The following NTM variants were observed in gnomAD, a reference collection of about 807,000 sequenced individuals.
NTM encodes the protein neurotrimin.
In NTM, 13 loss-of-function variants were observed where a neutral mutation model predicts 42.1. The observed-to-expected ratio is 0.31, with a 90% CI of 0.20 to 0.49. The LOEUF is 0.49. Among genes scored for constraint, NTM ranks in the 20% least tolerant of loss-of-function variants. The pLI, the probability that NTM is intolerant of heterozygous loss-of-function variation, is 0.99. For synonymous variants in NTM, 187 were observed against 179.2 expected, an observed-to-expected ratio of 1.04 and a Z score of -0.35; for missense variants, 373 against 452.8, an observed-to-expected ratio of 0.82 and a Z score of 1.60.
chr11:131,509,045 T>A (rs562136887), intron 1 of NTM, among the ~76,000 whole-genome samples: 103 of 151,790 alleles, frequency 6.8e-4, no homozygotes, highest in African/African-American at 2.3e-3. Context: ...TAATAAAAAA[T>A]AATAATAATA....
chr11:131,419,747 A>G (rs1206594075), intron 1 of NTM, among the ~76,000 whole-genome samples: 2 of 152,174 alleles, frequency 1.3e-5, no homozygotes, highest in South Asian at 2.1e-4. Flanking sequence ...GGATGGAGGT[A>G]TAAAGGATTC....
At chr11:132,104,649 C>A (rs994244836) in intron 2 of NTM, among the ~76,000 whole-genome samples, 5 of 149,224 alleles carry the variant, frequency 3.4e-5, no homozygotes, top group Admixed American at 1.3e-4. Flanking sequence ...GTAGTGCATG[C>A]TTTTAGTCCC....
intron 1 of NTM, among the ~76,000 whole-genome samples, chr11:131,480,779 C>T (rs891717970): frequency 2.0e-5 from 3 of 150,604 alleles, no homozygotes; most frequent in African/African-American, 4.9e-5. Flanking sequence ...TCTCCATTAA[C>T]TTCAGTCTGG....
At chr11:132,155,456 T>C (rs1293201950) in intron 3 of NTM, among the ~76,000 whole-genome samples, 2 of 152,174 alleles carry the variant, frequency 1.3e-5, no homozygotes, top group African/African-American at 2.4e-5. Context: ...AATGCACACA[T>C]GTCCTGCCGC....
intron 1 of NTM, among the ~76,000 whole-genome samples, chr11:131,765,775 A>G (rs942252636): frequency 6.6e-6 from 1 of 152,178 alleles, no homozygotes; most frequent in African/African-American, 2.4e-5. Context: ...TGCTCATGTC[A>G]ATCTAAAAAG....
intron 4 of NTM, among the ~76,000 whole-genome samples, chr11:132,235,814 ATATGCAGTC>A (rs1224857408): frequency 6.6e-6 from 1 of 152,230 alleles, no homozygotes; most frequent in East Asian, 1.9e-4. Flanking sequence ...CACCTCTGGC[ATATGCAGTC>A]TATTTGAACA....
intron 2 of NTM, among the ~76,000 whole-genome samples, chr11:132,084,340 C>G (rs1002706227): frequency 6.6e-5 from 10 of 152,126 alleles, no homozygotes; most frequent in Non-Finnish European, 1.3e-4. Context: ...AGCATATACT[C>G]AGACATTAGG....
In NTM at chr11:132,260,785, A is replaced by G. The variant is rs373357417; in HGVS notation, c.527-46904A>G. 4.6e-5 allele frequency among the ~76,000 whole-genome samples: 7 copies of G among 152,338 alleles called. 1 individual carries two copies. Among genetic ancestry groups the G allele is most frequent in the Admixed American group, 3.9e-4 (6 of 15,302 alleles). ...GCATGGCCTAAAACACAGCTGAATT[A>G]TCCGGTGTTGGCAGTAGAACACCAC... On this transcript the variant is annotated intron_variant, in intron 4 of 8. Coordinates refer to ENST00000683400, the MANE Select transcript of NTM (RefSeq NM_001352005.2).
chr11:131,816,452 C>A (rs760747432), intron 1 of NTM, among the ~76,000 whole-genome samples: 1 of 151,446 alleles, frequency 6.6e-6, no homozygotes, highest in Non-Finnish European at 1.5e-5. Context: ...TCCTGGATAC[C>A]CTGTATCTTA....
chr11:131,758,573 C>T (rs542596185), intron 1 of NTM, among the ~76,000 whole-genome samples: 1 of 150,898 alleles, frequency 6.6e-6, no homozygotes, highest in Non-Finnish European at 1.5e-5. Flanking sequence ...TCCTTCCTTC[C>T]TTCCTTTTTT....
intron 1 of NTM, among the ~76,000 whole-genome samples, chr11:131,476,757 GC>G (rs1591779679): frequency 7.1e-6 from 1 of 141,182 alleles, no homozygotes; most frequent in Admixed American, 7.2e-5. Flanking sequence ...CACTTCCCCT[GC>G]CCACCCCACC....
chr11:131,694,866 A>G (rs956637183), intron 1 of NTM, among the ~76,000 whole-genome samples: 22 of 152,324 alleles, frequency 1.4e-4, no homozygotes, highest in African/African-American at 4.6e-4. Context: ...CTGACAATGT[A>G]GGAATCTGGA....
chr11:131,605,887 C>G, intron 1 of NTM: 1 of 982,742 alleles, frequency 1.0e-6, no homozygotes, highest in Non-Finnish European at 1.2e-6. Context: ...CCACCCCACT[C>G]TATTAATCAT....
chr11:131,890,171 T>TCTCC (rs2051082128), intron 1 of NTM, among the ~76,000 whole-genome samples: 5 of 150,186 alleles, frequency 3.3e-5, no homozygotes, highest in Non-Finnish European at 5.9e-5. Flanking sequence ...TCTCTCTCTC[T>TCTCC]CTCTCTGTCT....
chr11:132,065,540 A>T (rs2056344487), intron 2 of NTM, among the ~76,000 whole-genome samples: 1 of 152,146 alleles, frequency 6.6e-6, no homozygotes, highest in Non-Finnish European at 1.5e-5. Flanking sequence ...TAGAAGACAG[A>T]TCTAGGTTAC....
intron 1 of NTM, among the ~76,000 whole-genome samples, chr11:131,527,594 G>T (rs1484204984): frequency 6.6e-6 from 1 of 152,176 alleles, no homozygotes; most frequent in Non-Finnish European, 1.5e-5. Flanking sequence ...TATTGAATTT[G>T]CTTCCCAAGA....
chr11:131,962,712 G>A (rs1295710971), intron 2 of NTM, among the ~76,000 whole-genome samples: 1 of 152,176 alleles, frequency 6.6e-6, no homozygotes, highest in African/African-American at 2.4e-5. Flanking sequence ...TGTCCTCATT[G>A]CTTATGCCAT....
intron 4 of NTM, among the ~76,000 whole-genome samples, chr11:132,245,302 C>T (rs2139284352): frequency 6.6e-6 from 1 of 152,022 alleles, no homozygotes; most frequent in African/African-American, 2.4e-5. Flanking sequence ...AGACTGTGCA[C>T]CTCAGGGCCA....
chr11:132,278,743 T>TTCTCTCTCTCTCTCTC lies in NTM; in HGVS notation c.527-28920_527-28905dup, dbSNP rs66748602. ...TGTCTTTCTTAACCTTCATTTGGGC[T>TTCTCTCTCTCTCTCTC]TCTCTCTCTCTCTCTCTCTCTCTCT... On this transcript the variant is annotated intron_variant, in intron 4 of 8. Transcript: ENST00000683400. 1.5e-3 allele frequency among the ~76,000 whole-genome samples: 208 copies of TTCTCTCTCTCTCTCTC among 138,062 alleles called. 2 individuals are homozygous for TTCTCTCTCTCTCTCTC. The highest frequency in any genetic ancestry group is 5.3e-3 in the East Asian group (22 of 4,158). The allele number at this position is 138,062 out of a possible 152,430, so 90.6% of individuals were successfully genotyped here.
Sources: gnomAD v4.1 joint callset for allele counts (sites outside exome capture counted in the v4.1 genomes callset) on GRCh38, gnomAD v4.1.1 for gene constraint, MANE v1.5 for transcripts, NCBI Gene and HGNC (gene_info 2026-07-23, HGNC 2026-07-21) for gene names.